Variants in OR2L13 observed in about 807,000 individuals in gnomAD.
OR2L13 encodes the protein olfactory receptor family 2 subfamily L member 13, also known as olfactory receptor 2L13.
OR2L13 carries 14 observed loss-of-function variants against 15.3 expected under a neutral mutation model. The ratio of observed to expected loss-of-function variants is 0.91; its 90% CI spans 0.60 to 1.43. The LOEUF is 1.43. OR2L13 is among the 40% of genes most tolerant of loss of function. The pLI is 0.00. For missense variants in OR2L13, 367 were observed against 387.9 expected, an observed-to-expected ratio of 0.95 and a Z score of 0.45; for synonymous variants, 152 against 142.9, an observed-to-expected ratio of 1.06 and a Z score of -0.45.
At chr1:248,100,068 G>A in exon 3 of OR2L13, 1 of 1,613,922 alleles carries the variant, frequency 6.2e-7, no homozygotes. Context: ...ACTCAAAGGA[G>A]GGGAGAAAAA....
the OR2L13 span, chr1:247,965,524 C>G: frequency 6.2e-7 from 1 of 1,613,064 alleles, no homozygotes; most frequent in Non-Finnish European, 8.5e-7. Context: ...CCACCTCATT[C>G]GACTGAACAC....
At chr1:248,022,309 G>A in the OR2L13 span, 44 of 1,614,088 alleles carry the variant, frequency 2.7e-5, no homozygotes, top group East Asian at 5.6e-4. Context: ...GCCTATGATC[G>A]TTATGTGGCC....
the OR2L13 span, among the ~76,000 whole-genome samples, chr1:247,986,598 C>G: frequency 6.6e-6 from 1 of 152,088 alleles, no homozygotes; most frequent in African/African-American, 2.4e-5. Flanking sequence ...AATGAGGACT[C>G]TTTTTTGGTT....
chr1:247,959,975 G>T, the OR2L13 span, among the ~76,000 whole-genome samples: 2 of 152,150 alleles, frequency 1.3e-5, no homozygotes, highest in East Asian at 3.9e-4. Flanking sequence ...TTGTTCCATT[G>T]CTGGTGAGGA....
the OR2L13 span, among the ~76,000 whole-genome samples, chr1:247,979,893 T>C: frequency 6.6e-6 from 1 of 150,556 alleles, no homozygotes; most frequent in Admixed American, 6.6e-5. Flanking sequence ...AACAGTTGTG[T>C]TTGATTTTCA....
the OR2L13 span, among the ~76,000 whole-genome samples, chr1:248,000,476 A>C: frequency 6.6e-6 from 1 of 152,172 alleles, no homozygotes; most frequent in East Asian, 1.9e-4. Context: ...TCTTCATCTT[A>C]CTTTCAACTC....
At chr1:248,082,043 G>A in the OR2L13 span, among the ~76,000 whole-genome samples, 2 of 151,462 alleles carry the variant, frequency 1.3e-5, no homozygotes, top group South Asian at 2.1e-4. Flanking sequence ...ACATGCACAC[G>A]TATGTTTATT....
chr1:248,026,497 G>T, the OR2L13 span, among the ~76,000 whole-genome samples: 1 of 152,206 alleles, frequency 6.6e-6, no homozygotes, highest in African/African-American at 2.4e-5. Context: ...TAGCCTTCCA[G>T]TGAAAGTCCC....
chr1:248,011,800 G>A, the OR2L13 span, among the ~76,000 whole-genome samples: 5,648 of 152,104 alleles, frequency 0.037, 312 homozygotes, highest in African/African-American at 0.13. Flanking sequence ...ATGGGCAATT[G>A]AACCCTGTGG....
chr1:248,036,901 C>T, the OR2L13 span, among the ~76,000 whole-genome samples: 1 of 152,046 alleles, frequency 6.6e-6, no homozygotes, highest in African/African-American at 2.4e-5. Context: ...TACTTATGAT[C>T]CCTTCATATG....
the OR2L13 span, among the ~76,000 whole-genome samples, chr1:248,015,714 A>G: frequency 5.9e-5 from 9 of 152,234 alleles, no homozygotes; most frequent in East Asian, 1.2e-3. Context: ...TAAAAGTTCA[A>G]TCTGATTTCT....
chr1:247,967,934 C>T, the OR2L13 span, among the ~76,000 whole-genome samples: 1 of 151,424 alleles, frequency 6.6e-6, no homozygotes, highest in African/African-American at 2.4e-5. Flanking sequence ...CTTCTTTCTT[C>T]TTTCTTTCTT....
chr1:248,047,296 T>C, the OR2L13 span, among the ~76,000 whole-genome samples: 1 of 152,170 alleles, frequency 6.6e-6, no homozygotes, highest in Non-Finnish European at 1.5e-5. Context: ...GATTATATGA[T>C]GCTCATTATA....
chr1:247,980,186 T>C, the OR2L13 span, among the ~76,000 whole-genome samples: 5 of 152,198 alleles, frequency 3.3e-5, no homozygotes, highest in East Asian at 9.6e-4. Context: ...GATAGTATTA[T>C]ACCACAATCA....
the OR2L13 span, among the ~76,000 whole-genome samples, chr1:247,955,498 C>G: frequency 6.6e-6 from 1 of 151,970 alleles, no homozygotes; most frequent in Non-Finnish European, 1.5e-5. Context: ...GGTATTTCTA[C>G]TTCTAGATCC....
intron 1 of OR2L13, among the ~76,000 whole-genome samples, chr1:248,097,915 A>G (rs1001789704): frequency 2.0e-5 from 3 of 152,232 alleles, no homozygotes; most frequent in Non-Finnish European, 4.4e-5. Context: ...GAATCATTCT[A>G]TCCCCACTGC....
upstream of OR2L13, among the ~76,000 whole-genome samples, chr1:248,095,843 G>A (rs1374287036): frequency 6.6e-6 from 1 of 150,522 alleles, no homozygotes; most frequent in African/African-American, 2.4e-5. Flanking sequence ...CTGACCTCGT[G>A]ATCCGCCCGC....
chr1:248,009,016 T>C, the OR2L13 span, among the ~76,000 whole-genome samples: 1 of 152,162 alleles, frequency 6.6e-6, no homozygotes, highest in Admixed American at 6.5e-5. Flanking sequence ...TGTATCAGAA[T>C]CTCTGGGACA....
chr1:248,016,057 T>C, the OR2L13 span, among the ~76,000 whole-genome samples: 1 of 152,166 alleles, frequency 6.6e-6, no homozygotes, highest in Non-Finnish European at 1.5e-5. Context: ...TTCCTTATGA[T>C]AATGAGACTA....
Sources: gnomAD v4.1 joint callset for allele counts (sites outside exome capture counted in the v4.1 genomes callset) on GRCh38, gnomAD v4.1.1 for gene constraint, MANE v1.5 for transcripts, NCBI Gene and HGNC (gene_info 2026-07-23, HGNC 2026-07-21) for gene names.